The following GON4L variants were observed in gnomAD, a reference collection of about 807,000 sequenced individuals.
GON4L encodes gon-4 like, also known as GON-4-like protein.
In GON4L, 87 loss-of-function variants were observed where a neutral mutation model predicts 211.8. That is an observed-to-expected ratio of 0.41 (90% CI 0.35 to 0.49). The LOEUF (loss-of-function observed/expected upper bound fraction) is 0.49, where lower values mean the gene tolerates loss of function less well. Ranked by LOEUF, GON4L falls within the 20% of genes least tolerant of loss-of-function variation. The probability of loss-of-function intolerance (pLI) is 0.15; values close to 1 mark genes in which losing one functional copy is unlikely to be tolerated. For synonymous variants in GON4L, 875 were observed against 962.6 expected, an observed-to-expected ratio of 0.91 and a Z score of 1.68; for missense variants, 2,155 against 2,659.5, an observed-to-expected ratio of 0.81 and a Z score of 4.17.
At chr1:155,825,725 C>T (rs1669142452) in intron 3 of GON4L, among the ~76,000 whole-genome samples, 1 of 151,760 alleles carries the variant, frequency 6.6e-6, no homozygotes, top group Admixed American at 6.6e-5. Context: ...AGTGGGGCTC[C>T]GTCTCTACAA....
chr1:155,815,686 G>A (rs1469488297), intron 8 of GON4L, 119 bp downstream of exon 8: 1 of 712,738 alleles, frequency 1.4e-6, no homozygotes, highest in Non-Finnish European at 2.6e-6. Flanking sequence ...ACAGCTTAAA[G>A]CACAGAAATG....
intron 14 of GON4L, 101 bp downstream of exon 14, chr1:155,783,883 GAA>G (rs1290819631): frequency 6.4e-7 from 1 of 1,551,350 alleles, no homozygotes; most frequent in Non-Finnish European, 8.8e-7. Context: ...ATCAGTAACA[GAA>G]GCTGGTTTGG....
intron 21 of GON4L, chr1:155,764,426 ATTTTTTTTT>A (rs371568461): frequency 2.1e-5 from 3 of 139,568 alleles, no homozygotes; most frequent in Admixed American, 6.8e-5. Flanking sequence ...GTTATTTACT[ATTTTTTTTT>A]TTTTTTTTTT....
intron 2 of GON4L, among the ~76,000 whole-genome samples, chr1:155,835,904 A>G (rs1046474413): frequency 2.6e-5 from 4 of 152,230 alleles, no homozygotes; most frequent in Non-Finnish European, 5.9e-5. Context: ...AGAGACCAAT[A>G]ATAAGCCAAA....
chr1:155,859,128 C>A (rs1490880733), upstream of GON4L, among the ~76,000 whole-genome samples: 1 of 152,018 alleles, frequency 6.6e-6, no homozygotes, highest in Non-Finnish European at 1.5e-5. Context: ...TCTGTAATAA[C>A]CTTTAGCGGT....
intron 17 of GON4L, among the ~76,000 whole-genome samples, chr1:155,774,263 G>C (rs1663526453): frequency 6.6e-6 from 1 of 151,330 alleles, no homozygotes; most frequent in Non-Finnish European, 1.5e-5. Context: ...TCAGAATGGA[G>C]ATATCACTTA....
At chr1:155,832,950 T>C (rs914958023) in intron 2 of GON4L, 6 of 145,998 alleles carry the variant, frequency 4.1e-5, no homozygotes, top group Non-Finnish European at 8.9e-5. Context: ...TGTTACATTA[T>C]CTGATTGGCA....
Position 155,753,286 on chromosome 1 carries a change from T to C in GON4L, c.5760A>G (p.Glu1920=), listed in dbSNP as rs1429585028. The C allele has an allele frequency of 6.2e-7, 1 of 1,613,646 alleles. No homozygotes were observed. Among genetic ancestry groups the C allele is most frequent in the Admixed American group, 1.7e-5 (1 of 59,972 alleles). ...CAGTGCTCTCCCGCTCCTCTGGGGC[T>C]TCCTCTTCCATCATATCCTTGCCCT... ...AGQGKDMMEE[E]APEERESTEA... is the part of the protein sequence containing the mutation. Residue 1920 remains glutamate, a synonymous_variant, in exon 29 of 32, where the codon GAA becomes GAG. Transcript: ENST00000368331.
At chr1:155,820,962 A>T (rs910679958) in intron 5 of GON4L, among the ~76,000 whole-genome samples, 1 of 152,116 alleles carries the variant, frequency 6.6e-6, no homozygotes, top group Non-Finnish European at 1.5e-5. Flanking sequence ...GTCTCTAAAA[A>T]AATAATAATA....
Position 155,821,463 on chromosome 1 carries a change from C to A in GON4L, c.963+11G>T. On this transcript the variant is annotated intron_variant, in intron 5 of 31. Transcript: ENST00000368331. ...TCCAAGACATTAAAAGAGTGATAATCAACTACTCACAAACATTGGCATATC... is the reference window on the plus strand; with the variant it reads ...TCCAAGACATTAAAAGAGTGATAATAAACTACTCACAAACATTGGCATATC... 1 of 1,503,016 alleles carries A rather than the reference C, an allele frequency of 6.7e-7. No individual in the cohort carries two copies. The highest frequency in any genetic ancestry group is 1.1e-5 in the South Asian group (1 of 88,790). 93.1% of individuals were successfully genotyped at this position (1,503,016 alleles called of 1,614,324 possible). A position where few individuals can be genotyped will look rare whatever the true frequency, so the allele number is the denominator to read the frequency against.
chr1:155,824,628 C>T (rs1257310156), intron 3 of GON4L, among the ~76,000 whole-genome samples: 3 of 150,850 alleles, frequency 2.0e-5, no homozygotes, highest in Non-Finnish European at 4.4e-5. Context: ...CCTGTAATCC[C>T]AGCTACTCAG....
intron 5 of GON4L, among the ~76,000 whole-genome samples, chr1:155,820,962 AAATAAT>A (rs1668677283): frequency 6.6e-6 from 1 of 152,116 alleles, no homozygotes. Context: ...GTCTCTAAAA[AAATAAT>A]AATAATAAAA....
chr1:155,822,345 A>T lies in GON4L; in HGVS notation c.829T>A (p.Leu277Met). Residue 277 changes from leucine (L) to methionine (M), a missense_variant, in exon 4 of 32, where the codon TTG (leucine) becomes ATG (methionine). Around this residue, in one of 6 missense-constraint regions of GON4L, gnomAD observed 551 missense variants for 854.0 expected, o/e 0.65. Transcript: ENST00000368331. Reference sequence around the variant, plus strand: ...TTGTGCTGCTTGGCACCATCCTCCAAGGTACGGTCAAGCATGTCATCCAGT... The same window carrying T: ...TTGTGCTGCTTGGCACCATCCTCCATGGTACGGTCAAGCATGTCATCCAGT... ...LKLDDMLDRT[L>M]EDGAKQHNLT... 3 of 1,614,118 alleles carry T rather than the reference A, an allele frequency of 1.9e-6. No homozygotes were observed. Among genetic ancestry groups the T allele is most frequent in the Non-Finnish European group, 2.5e-6 (3 of 1,179,960 alleles).
chr1:155,746,040 GC>G, downstream of GON4L: 2 of 778,780 alleles, frequency 2.6e-6, no homozygotes, highest in South Asian at 1.6e-5. Flanking sequence ...ATTCCAAGGA[GC>G]CCCCGGGAGA....
At chr1:155,781,059 G>A (rs1357052475) in intron 14 of GON4L, among the ~76,000 whole-genome samples, 2 of 152,014 alleles carry the variant, frequency 1.3e-5, no homozygotes, top group East Asian at 3.8e-4. Flanking sequence ...ACCACTGAAG[G>A]AACAGAAGAC....
chr1:155,801,895 T>C (rs1044397497), intron 11 of GON4L, among the ~76,000 whole-genome samples: 1 of 151,232 alleles, frequency 6.6e-6, no homozygotes, highest in African/African-American at 2.4e-5. Flanking sequence ...AAAAAAAAAA[T>C]AGAAATGAGG....
In GON4L at chr1:155,777,705, C is replaced by A. The variant is rs750139559; in HGVS notation, c.2008G>T (p.Val670Phe). 6.2e-7 allele frequency: 1 copy of A among 1,613,380 alleles called. No individual in the cohort carries two copies. The highest frequency in any genetic ancestry group is 1.1e-5 in the South Asian group (1 of 91,058). ...TGAACTTTCTCACTCTGGGGTTTAA[C>A]CTTCTCTACTTCCTGCAGCTGTTTG... Reference protein sequence around the residue: ...SAKQLQEVEKVKPQSEKVHQT... With the variant: ...SAKQLQEVEKFKPQSEKVHQT... The change falls in exon 15 of 32, where the codon GTT becomes TTT. Residue 670 changes from valine (V) to phenylalanine (F), a missense_variant. Around this residue, in one of 6 missense-constraint regions of GON4L, gnomAD observed 551 missense variants for 854.0 expected, o/e 0.65. Transcript: ENST00000368331.
rs948213931 is a variant in GON4L, at chr1:155,852,510, G to A, written c.505+766C>T. The stretch of plus-strand genomic sequence containing the variant: ...GTAATCCAGCACTTTGGGAGGCCAA[G>A]GCGGGCGGATCACGAGGTCAGGAGA... On this transcript the variant is annotated intron_variant, in intron 2 of 31. Coordinates refer to ENST00000368331, the MANE Select transcript of GON4L (RefSeq NM_001282860.2). Among the ~76,000 whole-genome samples the A allele has an allele frequency of 2.0e-5, 3 of 152,168 alleles. No homozygotes were observed. In the South Asian group the frequency reaches 6.2e-4, roughly 31 times the overall value.
At chr1:155,771,260 C>G in intron 18 of GON4L, 43 bp from the exon 19 acceptor site, 1 of 1,612,056 alleles carries the variant, frequency 6.2e-7, no homozygotes, top group Non-Finnish European at 8.5e-7. Context: ...CACAGTCCTT[C>G]CTTCTAAAGG....
Sources: allele counts gnomAD v4.1 joint callset (sites outside exome capture counted in the v4.1 genomes callset), GRCh38; gene constraint gnomAD v4.1.1; regional missense constraint gnomAD v4.1.1; transcripts MANE v1.5; gene names NCBI Gene and HGNC (gene_info 2026-07-23, HGNC 2026-07-21).